The following NTM variants were observed in gnomAD, a reference collection of about 807,000 sequenced individuals.
The protein encoded by NTM is IgLON family member 2.
A neutral mutation model predicts 42.1 loss-of-function variants in NTM; 13 were observed. The observed-to-expected ratio is 0.31, with a 90% CI of 0.20 to 0.49. The LOEUF (loss-of-function observed/expected upper bound fraction) is 0.49, where lower values mean the gene tolerates loss of function less well. NTM is among the 20% of genes least tolerant of loss of function. NTM has a pLI of 0.99. For synonymous variants in NTM, 187 were observed against 179.2 expected, an observed-to-expected ratio of 1.04 and a Z score of -0.35; for missense variants, 373 against 452.8, an observed-to-expected ratio of 0.82 and a Z score of 1.60.
intron 1 of NTM, among the ~76,000 whole-genome samples, chr11:131,567,009 C>T (rs957713845): frequency 4.6e-5 from 7 of 151,992 alleles, no homozygotes; most frequent in Non-Finnish European, 1.0e-4. Context: ...GGAATTTGAC[C>T]CTCAAGGTGG....
intron 2 of NTM, among the ~76,000 whole-genome samples, chr11:131,969,481 C>T (rs781063514): frequency 6.6e-6 from 1 of 152,214 alleles, no homozygotes; most frequent in Non-Finnish European, 1.5e-5. Flanking sequence ...GTTTGTCCAT[C>T]AGCTCCAGAG....
At chr11:132,232,117 G>A (rs900317190) in intron 4 of NTM, among the ~76,000 whole-genome samples, 10 of 152,188 alleles carry the variant, frequency 6.6e-5, no homozygotes, top group East Asian at 1.9e-4. Context: ...CCTGCGTCTC[G>A]CCTGGGAGAG....
chr11:131,774,669 G>A lies in NTM; in HGVS notation c.83-136895G>A, dbSNP rs149451362. ...GTAGAAAGAGTTTATTCTACAACTT[G>A]CCATTAAGGGATGCCCTCAGAGCAG... is the stretch of plus-strand genomic sequence containing the variant. On this transcript the variant is annotated intron_variant, in intron 1 of 8. Transcript: ENST00000683400. Among the ~76,000 whole-genome samples the A allele has an allele frequency of 3.8e-3, 579 of 152,306 alleles. 3 individuals carry two copies. The highest frequency in any genetic ancestry group is 0.011 in the African/African-American group (474 of 41,582).
intron 1 of NTM, among the ~76,000 whole-genome samples, chr11:131,521,125 C>T (rs930379662): frequency 2.0e-5 from 3 of 151,782 alleles, no homozygotes; most frequent in Non-Finnish European, 4.4e-5. Flanking sequence ...GAGTTTGAGG[C>T]CAGCCTGGCC....
At chr11:132,104,834 G>A (rs1344265367) in intron 2 of NTM, among the ~76,000 whole-genome samples, 2 of 148,558 alleles carry the variant, frequency 1.3e-5, no homozygotes, top group East Asian at 4.0e-4. Flanking sequence ...GAGCCTGAGA[G>A]GTCAAGGCTG....
At chr11:131,953,425 A>G (rs2061232557) in intron 2 of NTM, among the ~76,000 whole-genome samples, 1 of 152,214 alleles carries the variant, frequency 6.6e-6, no homozygotes, top group East Asian at 1.9e-4. Flanking sequence ...ATGTGTATAC[A>G]CACAGTTAAT....
intron 1 of NTM, chr11:131,767,192 T>C: frequency 1.2e-6 from 1 of 800,440 alleles, no homozygotes; most frequent in Middle Eastern, 6.5e-4. Flanking sequence ...CTTAACCAAA[T>C]ATGGTTTCTT....
At chr11:131,697,443 C>T (rs560413259) in intron 1 of NTM, among the ~76,000 whole-genome samples, 25 of 152,156 alleles carry the variant, frequency 1.6e-4, no homozygotes, top group Non-Finnish European at 3.7e-4. Flanking sequence ...AAATTGTTGG[C>T]CCTCCATTAT....
chr11:131,547,653 T>C (rs886927550), intron 1 of NTM, among the ~76,000 whole-genome samples: 1 of 152,186 alleles, frequency 6.6e-6, no homozygotes, highest in Admixed American at 6.5e-5. Context: ...TCTGGTCCTG[T>C]TGGTATGAAG....
At chr11:132,227,210 A>G (rs966941372) in intron 4 of NTM, among the ~76,000 whole-genome samples, 3 of 152,194 alleles carry the variant, frequency 2.0e-5, no homozygotes, top group African/African-American at 7.2e-5. Context: ...GAAATCTCAA[A>G]ACCAGTTCAA....
intron 1 of NTM, among the ~76,000 whole-genome samples, chr11:131,781,182 A>C (rs1428183790): frequency 6.6e-6 from 1 of 152,114 alleles, no homozygotes; most frequent in Non-Finnish European, 1.5e-5. Flanking sequence ...GCAAGAAAGG[A>C]GTATAAGACA....
chr11:131,559,148 C>A (rs931123433), intron 1 of NTM, among the ~76,000 whole-genome samples: 2 of 152,168 alleles, frequency 1.3e-5, no homozygotes, highest in Non-Finnish European at 2.9e-5. Context: ...TGTTTACTTC[C>A]CACGGCCAGC....
intron 1 of NTM, among the ~76,000 whole-genome samples, chr11:131,783,876 T>C (rs2088639594): frequency 6.6e-6 from 1 of 152,174 alleles, no homozygotes; most frequent in South Asian, 2.1e-4. Flanking sequence ...ATATTATCAA[T>C]GCATTTATTT....
At chr11:131,730,926 T>A (rs966925949) in intron 1 of NTM, among the ~76,000 whole-genome samples, 1 of 152,128 alleles carries the variant, frequency 6.6e-6, no homozygotes, top group African/African-American at 2.4e-5. Context: ...GACAGTAAGA[T>A]CTCACCAAGT....
At chr11:131,976,966 C>G (rs962624925) in intron 2 of NTM, among the ~76,000 whole-genome samples, 1 of 152,198 alleles carries the variant, frequency 6.6e-6, no homozygotes, top group Non-Finnish European at 1.5e-5. Flanking sequence ...TACATGACCA[C>G]TAATCTTTCC....
chr11:131,881,493 C>T (rs2049484390), intron 1 of NTM, among the ~76,000 whole-genome samples: 1 of 151,402 alleles, frequency 6.6e-6, no homozygotes, highest in African/African-American at 2.4e-5. Flanking sequence ...CACACACACA[C>T]ACACACACAC....
At chr11:131,545,678 C>T (rs1324850436) in intron 1 of NTM, among the ~76,000 whole-genome samples, 1 of 152,156 alleles carries the variant, frequency 6.6e-6, no homozygotes, top group African/African-American at 2.4e-5. Flanking sequence ...CCATGAAGGA[C>T]ACAATGGGAG....
At chr11:131,682,202 C>G (rs769522746) in intron 1 of NTM, among the ~76,000 whole-genome samples, 1 of 152,324 alleles carries the variant, frequency 6.6e-6, no homozygotes, top group Non-Finnish European at 1.5e-5. Flanking sequence ...TGAACGCCTT[C>G]CTCTGTGAGC....
chr11:132,253,006 G>A (rs912270590), intron 4 of NTM, among the ~76,000 whole-genome samples: 3 of 152,180 alleles, frequency 2.0e-5, no homozygotes, highest in East Asian at 1.9e-4. Flanking sequence ...GTACCGTCTT[G>A]CAGGATACTT....
Sources: allele counts gnomAD v4.1 joint callset (sites outside exome capture counted in the v4.1 genomes callset), GRCh38; gene constraint gnomAD v4.1.1; transcripts MANE v1.5; gene names NCBI Gene and HGNC (gene_info 2026-07-23, HGNC 2026-07-21).